CDH12: variants seen among roughly 807,000 people sequenced by gnomAD.
CDH12 encodes cadherin 12.
CDH12 carries 41 observed loss-of-function variants against 74.1 expected under a neutral mutation model. The ratio of observed to expected loss-of-function variants is 0.55; its 90% confidence interval spans 0.43 to 0.72. The LOEUF (loss-of-function observed/expected upper bound fraction) is 0.72. Among genes scored for constraint, CDH12 ranks in the 30% least tolerant of loss-of-function variants. The probability of loss-of-function intolerance (pLI) is 0.00; values close to 1 mark genes in which losing one functional copy is unlikely to be tolerated. For missense variants in CDH12, 945 were observed against 977.2 expected (o/e 0.97, Z 0.44); for synonymous variants, 399 against 355.0 (o/e 1.12, Z -1.39).
intron 3 of CDH12, among the ~76,000 whole-genome samples, chr5:22,244,512 AAAAAAAAAAAAAAAAAAAAAAGAAG>A (rs1561250590): frequency 2.0e-4 from 3 of 14,644 alleles, no homozygotes; most frequent in Non-Finnish European, 3.1e-4. Context: ...AAAAAAAAAA[AAAAAAAAAAAAAAAAAAAAAAGAAG>A]AAGAAGAAGA....
chr5:21,883,894 G>A, intron 6 of CDH12: 11 of 1,606,586 alleles, frequency 6.8e-6, no homozygotes, highest in Non-Finnish European at 9.4e-6. Context: ...GTTGAAGGAG[G>A]CATTGTTTTG....
At chr5:22,016,724 C>T (rs1393550322) in intron 5 of CDH12, among the ~76,000 whole-genome samples, 1 of 152,038 alleles carries the variant, frequency 6.6e-6, no homozygotes, top group Non-Finnish European at 1.5e-5. Flanking sequence ...TTAGCCTTCA[C>T]TCAGTATAAG....
intron 5 of CDH12, among the ~76,000 whole-genome samples, chr5:21,976,081 G>A (rs938775011): frequency 6.6e-4 from 100 of 152,244 alleles, no homozygotes; most frequent in African/African-American, 2.4e-3. Context: ...ATAGGGCAGA[G>A]CATCTCATTT....
At chr5:21,846,578 A>T (rs1750182928) in intron 7 of CDH12, among the ~76,000 whole-genome samples, 1 of 151,548 alleles carries the variant, frequency 6.6e-6, no homozygotes. Context: ...TTTCTTTTTT[A>T]TTCTACTCTC....
chr5:22,120,713 T>C (rs1181599512), intron 4 of CDH12, among the ~76,000 whole-genome samples: 1 of 152,126 alleles, frequency 6.6e-6, no homozygotes, highest in Non-Finnish European at 1.5e-5. Flanking sequence ...TTTTGTTTAC[T>C]TTTCTTTCTT....
intron 3 of CDH12, among the ~76,000 whole-genome samples, chr5:22,365,487 T>C (rs1740991962): frequency 1.3e-5 from 2 of 152,164 alleles, no homozygotes; most frequent in South Asian, 2.1e-4. Context: ...TGAAAAGAGC[T>C]TGTAGTCCTT....
chr5:21,832,383 C>T (rs1749073394), intron 8 of CDH12, among the ~76,000 whole-genome samples: 1 of 152,132 alleles, frequency 6.6e-6, no homozygotes, highest in East Asian at 1.9e-4. Flanking sequence ...ATGCCTACAT[C>T]AGCCTATATA....
chr5:22,011,013 G>A (rs1425968826), intron 5 of CDH12, among the ~76,000 whole-genome samples: 1 of 152,012 alleles, frequency 6.6e-6, no homozygotes, highest in East Asian at 1.9e-4. Flanking sequence ...ACTAGCCCAG[G>A]TTTAGCTGAC....
At chr5:22,283,424 A>G (rs566591914) in intron 3 of CDH12, among the ~76,000 whole-genome samples, 7 of 151,432 alleles carry the variant, frequency 4.6e-5, no homozygotes, top group African/African-American at 7.3e-5. Flanking sequence ...CACACAAATA[A>G]ATACTATTTA....
At chr5:22,135,084 T>C (rs1329158218) in intron 4 of CDH12, among the ~76,000 whole-genome samples, 2 of 151,788 alleles carry the variant, frequency 1.3e-5, no homozygotes, top group African/African-American at 4.8e-5. Context: ...TAAAAGAAAG[T>C]AGTGTCTTTA....
chr5:21,917,120 T>C (rs111689214), intron 6 of CDH12, among the ~76,000 whole-genome samples: 9 of 152,192 alleles, frequency 5.9e-5, no homozygotes, highest in Non-Finnish European at 1.2e-4. Context: ...GTTTAAGTAC[T>C]GAACTCTCTG....
At chr5:22,522,762 T>C (rs1580730332) in intron 1 of CDH12, among the ~76,000 whole-genome samples, 1 of 152,318 alleles carries the variant, frequency 6.6e-6, no homozygotes, top group Middle Eastern at 3.4e-3. Flanking sequence ...CTATTCTTTC[T>C]CACTACCTCC....
intron 4 of CDH12, among the ~76,000 whole-genome samples, chr5:22,101,436 A>G (rs1744132549): frequency 6.6e-6 from 1 of 152,180 alleles, no homozygotes; most frequent in Non-Finnish European, 1.5e-5. Context: ...ACATACTTCC[A>G]AAACTTTCTT....
At chr5:22,314,592 G>A (rs74401306) in intron 3 of CDH12, among the ~76,000 whole-genome samples, 378 of 152,262 alleles carry the variant, frequency 2.5e-3, no homozygotes, top group African/African-American at 8.7e-3. Flanking sequence ...TATTATGGAA[G>A]TTCTAAAATG....
intron 4 of CDH12, among the ~76,000 whole-genome samples, chr5:22,100,004 T>C (rs1001903056): frequency 6.6e-6 from 1 of 152,166 alleles, no homozygotes; most frequent in African/African-American, 2.4e-5. Context: ...GTTCCCACGC[T>C]GCCCCTAATG....
chr5:22,242,546 G>T (rs1267692491), intron 3 of CDH12, among the ~76,000 whole-genome samples: 2 of 152,126 alleles, frequency 1.3e-5, no homozygotes, highest in African/African-American at 4.8e-5. Flanking sequence ...GTCTGTACTG[G>T]AATGTTAGGA....
chr5:22,471,614 GTCATTTCCTC>G (rs1427771331), intron 2 of CDH12, among the ~76,000 whole-genome samples: 13 of 152,114 alleles, frequency 8.5e-5, no homozygotes, highest in African/African-American at 3.1e-4. Flanking sequence ...TCAATCTTTG[GTCATTTCCTC>G]TGGAATAAAT....
chr5:21,812,437 C>G (rs1159744318), intron 9 of CDH12, among the ~76,000 whole-genome samples: 2 of 152,030 alleles, frequency 1.3e-5, no homozygotes, highest in African/African-American at 4.8e-5. Flanking sequence ...TGTTTACATA[C>G]ACAGTTATTG....
intron 1 of CDH12, among the ~76,000 whole-genome samples, chr5:22,766,138 A>C (rs1241635456): frequency 6.6e-6 from 1 of 152,028 alleles, no homozygotes; most frequent in African/African-American, 2.4e-5. Flanking sequence ...GAAAGTATGG[A>C]GAGCAATTAA....
Sources: allele counts gnomAD v4.1 joint callset (sites outside exome capture counted in the v4.1 genomes callset), GRCh38; gene constraint gnomAD v4.1.1; transcripts MANE v1.5; gene names NCBI Gene and HGNC (gene_info 2026-07-23, HGNC 2026-07-21).